The following CMYA5 variants were observed in gnomAD, a reference collection of about 807,000 sequenced individuals.
CMYA5 encodes the protein cardiomyopathy-associated protein 5.
Under a neutral mutation model 318.9 loss-of-function variants are expected in CMYA5, and 246 were observed. That is an observed-to-expected ratio of 0.77 (90% confidence interval 0.70 to 0.86). CMYA5 has a LOEUF of 0.86. Ranked by LOEUF, CMYA5 falls within the 40% of genes least tolerant of loss-of-function variation. The pLI is 0.00. For missense variants in CMYA5, 4,589 were observed against 4,678.2 expected, an observed-to-expected ratio of 0.98 and a Z score of 0.56; for synonymous variants, 1,641 against 1,729.5, an observed-to-expected ratio of 0.95 and a Z score of 1.27.
chr5:79,789,175 T>C, intron 10 of CMYA5, 71 bp downstream of exon 10: 1 of 1,542,846 alleles, frequency 6.5e-7, no homozygotes, highest in Non-Finnish European at 8.8e-7. Context: ...AGAGAAGATG[T>C]CCTAGAGGGC....
At position 79,738,669 on chromosome 5, in the gene CMYA5, T is replaced by C; in HGVS notation, c.9904T>C (p.Tyr3302His). 1 of 1,613,886 alleles carries C rather than the reference T, an allele frequency of 6.2e-7. No homozygotes were observed. Among genetic ancestry groups the C allele is most frequent in the South Asian group, 1.1e-5 (1 of 91,086 alleles). ...GAGTCTGGAAGAACAGAAAGGTGTT[T>C]ATGGGGAAGGAGAATCAGTAGACCA... The part of the protein sequence containing the change: ...EKSLEEQKGV[Y>H]GEGESVDHVE... The change falls in exon 2 of 13, where the codon TAT becomes CAT. Residue 3302 changes from tyrosine (Y) to histidine (H), a missense_variant. Transcript: ENST00000446378.
At chr5:79,748,490 G>A (rs1323387874) in intron 5 of CMYA5, among the ~76,000 whole-genome samples, 4 of 149,642 alleles carry the variant, frequency 2.7e-5, no homozygotes, top group South Asian at 2.1e-4. Flanking sequence ...GCCTTATTCC[G>A]AGTTCCCTAT....
chr5:79,773,212 AAT>A (rs1318751293), intron 9 of CMYA5, among the ~76,000 whole-genome samples: 6 of 152,230 alleles, frequency 3.9e-5, no homozygotes, highest in African/African-American at 1.4e-4. Flanking sequence ...CTACTCAATA[AAT>A]ATGTGTTACT....
At chr5:79,773,244 TA>T (rs1459642127) in intron 9 of CMYA5, among the ~76,000 whole-genome samples, 1 of 152,222 alleles carries the variant, frequency 6.6e-6, no homozygotes, top group Non-Finnish European at 1.5e-5. Context: ...AAATATCAAT[TA>T]GCATCAAACA....
At chr5:79,763,018 C>A in intron 8 of CMYA5, 44 bp from the exon 9 acceptor site, 1 of 1,571,824 alleles carries the variant, frequency 6.4e-7, no homozygotes, top group South Asian at 1.2e-5. Flanking sequence ...CCCAGGAAAG[C>A]AAGCTGGCAT....
Position 79,727,640 on chromosome 5 carries a change from G to A in CMYA5, c.150-1275G>A, listed in dbSNP as rs144661938. Among the ~76,000 whole-genome samples the A allele has an allele frequency of 3.3e-5, 5 of 152,282 alleles. No homozygotes were observed. In the East Asian group the frequency reaches 7.7e-4, roughly 23 times the overall value. ...GCAAACGCGGCTGCTGCATTGGTCAGGAATGATAACCGCAGAGGAATTTAA... is the reference window on the plus strand; with the variant it reads ...GCAAACGCGGCTGCTGCATTGGTCAAGAATGATAACCGCAGAGGAATTTAA... On this transcript the variant is annotated intron_variant, in intron 1 of 12. Transcript: ENST00000446378.
Position 79,732,900 on chromosome 5 carries a change from CTT to C in CMYA5, c.4136_4137del (p.Leu1379HisfsTer16), listed in dbSNP as rs1561208423. 6.2e-7 allele frequency: 1 copy of C among 1,613,776 alleles called. No homozygotes were observed. The highest frequency in any genetic ancestry group is 1.1e-5 in the South Asian group (1 of 91,042). On this transcript the variant is annotated frameshift_variant, in exon 2 of 13. Coordinates refer to ENST00000446378, the MANE Select transcript of CMYA5 (RefSeq NM_153610.5). LOFTEE classifies it high-confidence loss of function. ...VKEEIPTDSS[L>X]ITPVDRPVLT... ...AGAAGAAATCCCAACAGATTCATCT[CTT>C]ATCACTCCTGTAGATCGTCCAGTCT...
intron 1 of CMYA5, among the ~76,000 whole-genome samples, chr5:79,691,427 C>T (rs2151073043): frequency 6.6e-6 from 1 of 152,314 alleles, no homozygotes; most frequent in East Asian, 1.9e-4. Flanking sequence ...AGCAGCTGAC[C>T]ATTCACTCTG....
In CMYA5 at chr5:79,763,166, C is replaced by A. The variant is rs996469131; in HGVS notation, c.11512C>A (p.Leu3838Met). ...TTPEATETYT[L>M]EYCRQHSPEG... ...CCCAGAGGCCACGGAGACCTACACT[C>A]TGGAGTACTGCAGACAGCACTCTCC... is the stretch of plus-strand genomic sequence containing the variant. The change falls in exon 9 of 13, where the codon CTG becomes ATG. Residue 3838 changes from leucine (L) to methionine (M), a missense_variant. By Grantham distance (15) the Leu-to-Met change is conservative. Coordinates refer to ENST00000446378, the MANE Select transcript of CMYA5 (RefSeq NM_153610.5). 2 of 1,612,164 alleles carry A rather than the reference C, an allele frequency of 1.2e-6. No individual in the cohort carries two copies. The highest frequency in any genetic ancestry group is 1.3e-5 in the African/African-American group (1 of 75,000).
Position 79,793,577 on chromosome 5 carries a change from C to T in CMYA5, c.11930C>T (p.Thr3977Ile). 6.2e-7 allele frequency: 1 copy of T among 1,613,524 alleles called. No individual in the cohort carries two copies. Among genetic ancestry groups the T allele is most frequent in the Non-Finnish European group, 8.5e-7 (1 of 1,179,602 alleles). Residue 3977 changes from threonine (T) to isoleucine (I), a missense_variant, in exon 12 of 13, where the codon ACC becomes ATC. Thr to Ile is a moderately conservative substitution (Grantham distance 89). Coordinates refer to ENST00000446378, the MANE Select transcript of CMYA5 (RefSeq NM_153610.5). ...VQAGALGQGETSWYMHCSEPQ... is the reference protein window; with the variant it reads ...VQAGALGQGEISWYMHCSEPQ... ...GCAGGTGCCCTAGGACAAGGGGAGA[C>T]CTCATGGTACATGCACTGCTCTGAG...
chr5:79,770,092 G>A (rs1828825791), intron 9 of CMYA5, among the ~76,000 whole-genome samples: 1 of 152,190 alleles, frequency 6.6e-6, no homozygotes, highest in Admixed American at 6.5e-5. Flanking sequence ...TGGAGGCTTT[G>A]TTGACACCGT....
chr5:79,699,218 G>T lies in CMYA5; in HGVS notation c.149+9162G>T, dbSNP rs116416165. On this transcript the variant is annotated intron_variant, in intron 1 of 12. Transcript: ENST00000446378. ...AAGAGAAAAGAAATGGATGTTGAAT[G>T]AATGAGTACTGGGTTTCACTATAAC... Among the ~76,000 whole-genome samples the T allele has an allele frequency of 1.7e-3, 264 of 152,228 alleles. 1 individual carries two copies. Among genetic ancestry groups the T allele is most frequent in the African/African-American group, 6.0e-3 (250 of 41,546 alleles).
intron 5 of CMYA5, among the ~76,000 whole-genome samples, chr5:79,748,571 C>T (rs1828375116): frequency 6.6e-6 from 1 of 151,544 alleles, no homozygotes; most frequent in Non-Finnish European, 1.5e-5. Flanking sequence ...GAGCCAGGGT[C>T]TCACTCTGTC....
intron 12 of CMYA5, among the ~76,000 whole-genome samples, chr5:79,797,083 G>A (rs1829289529): frequency 6.6e-6 from 1 of 152,174 alleles, no homozygotes; most frequent in African/African-American, 2.4e-5. Flanking sequence ...ACATACTAAT[G>A]ATCACTACAG....
chr5:79,698,466 A>G (rs1580743804), intron 1 of CMYA5, among the ~76,000 whole-genome samples: 1 of 151,922 alleles, frequency 6.6e-6, no homozygotes, highest in African/African-American at 2.4e-5. Flanking sequence ...GCCCCTGTCT[A>G]CCTCTCTCAG....
Position 79,734,930 on chromosome 5 carries a change from A to G in CMYA5, c.6165A>G (p.Leu2055=). 1 of 1,613,864 alleles carries G rather than the reference A, an allele frequency of 6.2e-7. No individual in the cohort carries two copies. Among genetic ancestry groups the G allele is most frequent in the Non-Finnish European group, 8.5e-7 (1 of 1,179,816 alleles). The stretch of plus-strand genomic sequence containing the variant: ...TCTTCCAGAAACCAGTGTCTGGCCT[A>G]TCAGTGGAACAGGTGAAGTCAGAAA... ...ERFFQKPVSG[L]SVEQVKSETI... is the part of the protein sequence containing the mutation. Residue 2055 remains leucine, a synonymous_variant, in exon 2 of 13, where the codon CTA becomes CTG. Coordinates refer to ENST00000446378, the MANE Select transcript of CMYA5 (RefSeq NM_153610.5).
In CMYA5 at chr5:79,737,345, T is replaced by C. The variant is rs746352733; in HGVS notation, c.8580T>C (p.Asp2860=). 6 of 1,613,756 alleles carry C rather than the reference T, an allele frequency of 3.7e-6. No individual in the cohort carries two copies. The African/African-American group carries it at 4.0e-5, about 11-fold the overall frequency. The change falls in exon 2 of 13, where the codon GAT becomes GAC. Residue 2860 remains aspartate, a synonymous_variant. Transcript: ENST00000446378. Reference sequence around the variant, plus strand: ...AGACATCTAAAGATGACACATCCGATGTGCCTAAACAATCTGTTCTTGTTT... The same window carrying C: ...AGACATCTAAAGATGACACATCCGACGTGCCTAAACAATCTGTTCTTGTTT... The part of the protein sequence containing the change: ...TIQTSKDDTS[D]VPKQSVLVSK...
Position 79,736,207 on chromosome 5 carries a change from C to T in CMYA5, c.7442C>T (p.Ala2481Val). The change falls in exon 2 of 13, where the codon GCC (alanine) becomes GTC (valine). Residue 2481 changes from alanine to valine, a missense_variant. Coordinates refer to ENST00000446378, the MANE Select transcript of CMYA5 (RefSeq NM_153610.5). ...KVLAEKQNSVAPLELRDSNEI... is the reference protein window; with the variant it reads ...KVLAEKQNSVVPLELRDSNEI... ...CTGGCAGAAAAACAAAACTCTGTGG[C>T]CCCATTAGAGCTTAGAGATAGTAAT... The T allele has an allele frequency of 6.2e-7, 1 of 1,613,430 alleles. No homozygotes were observed. The highest frequency in any genetic ancestry group is 8.5e-7 in the Non-Finnish European group (1 of 1,179,534).
intron 6 of CMYA5, among the ~76,000 whole-genome samples, chr5:79,755,427 C>T (rs1263823696): frequency 6.6e-6 from 1 of 152,122 alleles, no homozygotes; most frequent in Non-Finnish European, 1.5e-5. Context: ...GCTGGGATTA[C>T]AGGCGTGCAT....
Sources: allele counts gnomAD v4.1 joint callset (sites outside exome capture counted in the v4.1 genomes callset), GRCh38; gene constraint gnomAD v4.1.1; transcripts MANE v1.5; gene names NCBI Gene and HGNC (gene_info 2026-07-23, HGNC 2026-07-21).